Variants in ATP8B4 observed in about 807,000 individuals in gnomAD.
ATP8B4 encodes ATPase phospholipid transporting 8B4 (putative).
In ATP8B4, 133 loss-of-function variants were observed where a neutral mutation model predicts 145.6. The ratio of observed to expected loss-of-function variants is 0.91; its 90% CI spans 0.79 to 1.05. The LOEUF is 1.05. Among genes scored for constraint, ATP8B4 ranks in the 50% least tolerant of loss-of-function variants. The pLI is 0.00. For synonymous variants in ATP8B4, 507 were observed against 492.9 expected (o/e 1.03, Z -0.38); for missense variants, 1,458 against 1,425.2 (o/e 1.02, Z -0.37).
chr15:49,921,293 A>G (rs1327941652), intron 17 of ATP8B4, among the ~76,000 whole-genome samples: 1 of 152,214 alleles, frequency 6.6e-6, no homozygotes, highest in African/African-American at 2.4e-5. Flanking sequence ...AGTGCAAAAA[A>G]GGTATTATTT....
chr15:49,956,884 G>A (rs538858979), intron 14 of ATP8B4, among the ~76,000 whole-genome samples: 16 of 152,040 alleles, frequency 1.1e-4, no homozygotes, highest in Non-Finnish European at 1.6e-4. Flanking sequence ...TGAAATTAGA[G>A]GGTGAACTTC....
At chr15:49,882,692 C>T (rs922933723) in intron 23 of ATP8B4, among the ~76,000 whole-genome samples, 2 of 152,066 alleles carry the variant, frequency 1.3e-5, no homozygotes, top group East Asian at 1.9e-4. Flanking sequence ...TATGTTGTTT[C>T]GGAACTCCTA....
intron 2 of ATP8B4, among the ~76,000 whole-genome samples, chr15:50,087,352 A>ATC (rs796843582): frequency 0.07 from 7,581 of 108,082 alleles, 302 homozygotes; most frequent in African/African-American, 0.14. Flanking sequence ...ATAGATCTAT[A>ATC]TATTATATAT....
chr15:50,078,915 G>A (rs989211175), intron 2 of ATP8B4, among the ~76,000 whole-genome samples: 2 of 152,190 alleles, frequency 1.3e-5, no homozygotes, highest in East Asian at 3.8e-4. Flanking sequence ...ATAATCAAGT[G>A]TGAAGGGGAA....
At chr15:50,063,875 C>T (rs897940983) in intron 3 of ATP8B4, among the ~76,000 whole-genome samples, 1 of 152,144 alleles carries the variant, frequency 6.6e-6, no homozygotes, top group African/African-American at 2.4e-5. Context: ...CATGTTTGCT[C>T]TGCTTTGGTC....
At chr15:50,086,995 AAAATAATAT>A (rs1157828207) in intron 2 of ATP8B4, among the ~76,000 whole-genome samples, 1 of 112,406 alleles carries the variant, frequency 8.9e-6, no homozygotes, top group Non-Finnish European at 1.6e-5. Flanking sequence ...TATATATAAT[AAAATAATAT>A]AGAGATCTAT....
chr15:49,900,913 G>A (rs2037949936), intron 21 of ATP8B4, among the ~76,000 whole-genome samples, 179 bp downstream of exon 21: 1 of 151,978 alleles, frequency 6.6e-6, no homozygotes, highest in Admixed American at 6.6e-5. Flanking sequence ...AAATAATAAT[G>A]TATGAGATAT....
intron 15 of ATP8B4, among the ~76,000 whole-genome samples, chr15:49,932,264 A>C (rs1319112833): frequency 2.0e-5 from 3 of 151,950 alleles, no homozygotes; most frequent in African/African-American, 7.2e-5. Flanking sequence ...ATATGTATAT[A>C]TTTATGAGCC....
chr15:49,932,710 T>C (rs1013980141), intron 15 of ATP8B4, among the ~76,000 whole-genome samples: 6 of 152,058 alleles, frequency 3.9e-5, no homozygotes, highest in Non-Finnish European at 8.8e-5. Flanking sequence ...AACTTGATCA[T>C]TGGTTTTCAA....
intron 4 of ATP8B4, among the ~76,000 whole-genome samples, chr15:50,046,276 T>G (rs1314195137): frequency 1.3e-5 from 2 of 152,142 alleles, no homozygotes; most frequent in Non-Finnish European, 2.9e-5. Flanking sequence ...TCTTTCTCTC[T>G]TTCTCTCTCT....
intron 1 of ATP8B4, among the ~76,000 whole-genome samples, chr15:50,128,777 A>G (rs904176862): frequency 6.6e-6 from 1 of 152,230 alleles, no homozygotes; most frequent in African/African-American, 2.4e-5. Context: ...AAAGTTAAGT[A>G]GGCTGGGCGC....
At chr15:50,102,455 A>T (rs2056423249) in intron 2 of ATP8B4, among the ~76,000 whole-genome samples, 1 of 152,146 alleles carries the variant, frequency 6.6e-6, no homozygotes. Context: ...ATTCAAGGCC[A>T]CTATGAACAC....
At chr15:50,086,042 A>AAT (rs2055004933) in intron 2 of ATP8B4, among the ~76,000 whole-genome samples, 1 of 108,388 alleles carries the variant, frequency 9.2e-6, no homozygotes, top group South Asian at 2.6e-4. Context: ...TATATAATAT[A>AAT]ATATATAGAT....
At chr15:49,987,020 C>T (rs1370775680) in intron 10 of ATP8B4, among the ~76,000 whole-genome samples, 2 of 152,192 alleles carry the variant, frequency 1.3e-5, no homozygotes, top group African/African-American at 2.4e-5. Flanking sequence ...ATTAACTGCA[C>T]AGCCAGGAGC....
intron 25 of ATP8B4, among the ~76,000 whole-genome samples, chr15:49,875,300 G>A (rs992676787): frequency 6.6e-6 from 1 of 152,096 alleles, no homozygotes; most frequent in Non-Finnish European, 1.5e-5. Flanking sequence ...TAATCTCTTG[G>A]AGTACCGAGG....
At chr15:49,962,537 A>G (rs1182726074) in intron 13 of ATP8B4, among the ~76,000 whole-genome samples, 2 of 152,218 alleles carry the variant, frequency 1.3e-5, no homozygotes, top group Non-Finnish European at 2.9e-5. Flanking sequence ...TATGCCAGAA[A>G]TTTAAAATAA....
At chr15:50,038,321 C>T (rs568712549) in intron 6 of ATP8B4, among the ~76,000 whole-genome samples, 7 of 152,220 alleles carry the variant, frequency 4.6e-5, no homozygotes, top group African/African-American at 1.7e-4. Flanking sequence ...TGGTAGATGG[C>T]CCATGTATAT....
At chr15:49,927,408 T>C (rs1321002384) in intron 16 of ATP8B4, among the ~76,000 whole-genome samples, 2 of 152,086 alleles carry the variant, frequency 1.3e-5, no homozygotes, top group Admixed American at 6.6e-5. Context: ...GACCAACCCA[T>C]GTGACGATCA....
At chr15:49,956,892 T>G (rs950354896) in intron 14 of ATP8B4, among the ~76,000 whole-genome samples, 2 of 152,068 alleles carry the variant, frequency 1.3e-5, no homozygotes. Context: ...GAGGGTGAAC[T>G]TCAGCCAAAT....
Sources: gnomAD v4.1 joint callset for allele counts (sites outside exome capture counted in the v4.1 genomes callset) on GRCh38, gnomAD v4.1.1 for gene constraint, MANE v1.5 for transcripts, NCBI Gene and HGNC (gene_info 2026-07-23, HGNC 2026-07-21) for gene names.